Variants in FAR2 observed in about 807,000 individuals in gnomAD.
FAR2 encodes fatty acyl-CoA reductase 2.
A neutral mutation model predicts 56.0 loss-of-function variants in FAR2; 19 were observed. That is an observed-to-expected ratio of 0.34 (90% CI 0.24 to 0.50). FAR2 has a LOEUF of 0.50. FAR2 is among the 20% of genes least tolerant of loss of function. The pLI is 0.98. For synonymous variants in FAR2, 219 were observed against 218.8 expected, an observed-to-expected ratio of 1.00 and a Z score of -0.01; for missense variants, 508 against 642.2, an observed-to-expected ratio of 0.79 and a Z score of 2.26.
intron 1 of FAR2, among the ~76,000 whole-genome samples, chr12:29,245,572 C>T (rs1948114803): frequency 6.6e-6 from 1 of 152,144 alleles, no homozygotes; most frequent in East Asian, 1.9e-4. Context: ...CTACTCCTTG[C>T]CCCAGTTCAA....
chr12:29,229,871 A>G (rs1947828632), intron 1 of FAR2, among the ~76,000 whole-genome samples: 1 of 152,186 alleles, frequency 6.6e-6, no homozygotes, highest in Admixed American at 6.5e-5. Flanking sequence ...TCTTAGACTG[A>G]CATCTGAAGG....
At chr12:29,332,452 A>T in intron 10 of FAR2, 148 bp from the exon 11 acceptor site, 1 of 1,063,320 alleles carries the variant, frequency 9.4e-7, no homozygotes, top group Non-Finnish European at 1.3e-6. Flanking sequence ...CTTTGAAATA[A>T]TGACTCAAAT....
chr12:29,293,161 C>T (rs1591936716), intron 2 of FAR2, 139 bp from the exon 3 acceptor site: 1 of 667,014 alleles, frequency 1.5e-6, no homozygotes, highest in East Asian at 3.4e-5. Flanking sequence ...GCCACCATGC[C>T]CAGCCAGATG....
chr12:29,252,128 G>A lies in FAR2; in HGVS notation c.-38-18284G>A, dbSNP rs78175975. On this transcript the variant is annotated intron_variant, in intron 1 of 11. Transcript: ENST00000536681. Reference sequence around the variant, plus strand: ...AAGGGAGTTACTATTACTGGGTTGGGGTGGTCAACCATGACTACTAGGGGA... The same window carrying A: ...AAGGGAGTTACTATTACTGGGTTGGAGTGGTCAACCATGACTACTAGGGGA... 9.1e-3 allele frequency among the ~76,000 whole-genome samples: 1,392 copies of A among 152,262 alleles called. 16 individuals are homozygous for A. Among genetic ancestry groups the A allele is most frequent in the African/African-American group, 0.032 (1,325 of 41,548 alleles).
chr12:29,151,619 C>T (rs950275659), intron 1 of FAR2: 3 of 152,188 alleles, frequency 2.0e-5, no homozygotes, highest in Non-Finnish European at 2.9e-5. Flanking sequence ...TATATCCTGA[C>T]CCCAGGCTGA....
rs911340168 is a variant in FAR2, at chr12:29,270,398, C to A, written c.-38-14C>A. The A allele has an allele frequency of 2.1e-6, 3 of 1,462,100 alleles. No homozygotes were observed. Among genetic ancestry groups the A allele is most frequent in the South Asian group, 2.9e-5 (2 of 67,852 alleles). 90.6% of individuals were successfully genotyped at this position (1,462,100 alleles called of 1,614,324 possible). ...CTGAAGATGTAATCTTTTGTTATTT[C>A]TCTTCCTTTTCAGGAACCTCTTTCA... On this transcript the variant is annotated splice_polypyrimidine_tract_variant and intron_variant, in intron 1 of 11. Transcript: ENST00000536681.
chr12:29,221,209 T>C (rs569603011), intron 1 of FAR2, among the ~76,000 whole-genome samples: 83 of 152,284 alleles, frequency 5.5e-4, no homozygotes, highest in Middle Eastern at 3.4e-3. Context: ...AGAGATCTTA[T>C]CTGGAAGCTA....
intron 1 of FAR2, among the ~76,000 whole-genome samples, chr12:29,268,081 C>A (rs552646963): frequency 6.6e-6 from 1 of 152,178 alleles, no homozygotes; most frequent in Non-Finnish European, 1.5e-5. Context: ...GACTCAAGAT[C>A]TTCAAATATA....
At chr12:29,173,182 T>C (rs1181258946) in intron 1 of FAR2, among the ~76,000 whole-genome samples, 2 of 152,188 alleles carry the variant, frequency 1.3e-5, no homozygotes, top group East Asian at 3.9e-4. Flanking sequence ...TTGATCTGCT[T>C]TATATCAGAG....
chr12:29,189,242 T>G (rs909056083), intron 1 of FAR2, among the ~76,000 whole-genome samples: 1 of 152,064 alleles, frequency 6.6e-6, no homozygotes, highest in Non-Finnish European at 1.5e-5. Flanking sequence ...ATTTATTTAT[T>G]TATATCAGTA....
intron 1 of FAR2, among the ~76,000 whole-genome samples, chr12:29,265,554 G>T (rs146018681): frequency 1.3e-5 from 2 of 152,224 alleles, no homozygotes; most frequent in African/African-American, 4.8e-5. Context: ...TTAAATATAA[G>T]ATCTCGAACT....
chr12:29,319,872 A>T (rs996521334), intron 9 of FAR2, among the ~76,000 whole-genome samples: 1 of 152,180 alleles, frequency 6.6e-6, no homozygotes, highest in Non-Finnish European at 1.5e-5. Context: ...TGAATCAATC[A>T]TTGTTTTCCT....
At chr12:29,271,136 A>G (rs1057446583) in intron 2 of FAR2, among the ~76,000 whole-genome samples, 7 of 152,170 alleles carry the variant, frequency 4.6e-5, no homozygotes, top group African/African-American at 1.7e-4. Flanking sequence ...GGAACTTTTG[A>G]TATTTCTATT....
intron 1 of FAR2, chr12:29,151,529 A>G (rs964867846): frequency 6.6e-6 from 1 of 152,186 alleles, no homozygotes. Flanking sequence ...GCGTTTGGTA[A>G]TGTTCTGCTA....
At chr12:29,157,340 T>A (rs1496215) in intron 1 of FAR2, among the ~76,000 whole-genome samples, 148,594 of 151,936 alleles carry the variant, frequency 0.98, 72,758 homozygotes, top group Middle Eastern at 1. Flanking sequence ...GCATTTTTCA[T>A]CCTGCAGTTG....
At chr12:29,191,108 CAGTGCTTTCCATACCTAGCTGAA>C (rs1459416460) in intron 1 of FAR2, among the ~76,000 whole-genome samples, 2 of 152,200 alleles carry the variant, frequency 1.3e-5, no homozygotes, top group Admixed American at 1.3e-4. Context: ...AAGAGCACTA[CAGTGCTTTCCATACCTAGCTGAA>C]AAGGACCTGT....
intron 1 of FAR2, among the ~76,000 whole-genome samples, chr12:29,261,139 C>T (rs935017502): frequency 3.0e-4 from 45 of 152,130 alleles, no homozygotes; most frequent in African/African-American, 1.0e-3. Context: ...GAAAACATAA[C>T]CTCACTAAAC....
rs1039394284 is a variant in FAR2 at position 29,304,911 on chromosome 12, T to C, written c.546-2747T>C. On this transcript the variant is annotated intron_variant, in intron 4 of 11. Transcript: ENST00000536681. ...GTTTATATGTGTTTTTTATCTATGC[T>C]AACTTATTTACTGTTTTAAAAACAA... Among the ~76,000 whole-genome samples the C allele has an allele frequency of 2.0e-5, 3 of 152,294 alleles. No homozygotes were observed. The East Asian group carries it at 5.8e-4, about 29-fold the overall frequency.
At chr12:29,184,372 C>A (rs12813343) in intron 1 of FAR2, among the ~76,000 whole-genome samples, 6,163 of 136,322 alleles carry the variant, frequency 0.045, 354 homozygotes, top group African/African-American at 0.14. Context: ...TCACTGTGAA[C>A]AATTATATGG....
Sources: gnomAD v4.1 joint callset for allele counts (sites outside exome capture counted in the v4.1 genomes callset) on GRCh38, gnomAD v4.1.1 for gene constraint, MANE v1.5 for transcripts, NCBI Gene and HGNC (gene_info 2026-07-23, HGNC 2026-07-21) for gene names.